Variants in RAD51B observed in about 807,000 individuals in gnomAD.
The protein encoded by RAD51B is DNA repair protein RAD51 homolog 2.
In RAD51B, 38 loss-of-function variants were observed where a neutral mutation model predicts 42.2. The ratio of observed to expected loss-of-function variants is 0.90; its 90% CI spans 0.70 to 1.18. The LOEUF is 1.18. Among genes scored for constraint, RAD51B ranks in the 50% most tolerant of loss-of-function variants. The pLI, the probability that RAD51B is intolerant of heterozygous loss-of-function variation, is 0.00. For synonymous variants in RAD51B, 154 were observed against 145.2 expected (o/e 1.06, Z -0.43); for missense variants, 373 against 400.7 (o/e 0.93, Z 0.59).
At chr14:68,211,295 C>T (rs1192445718) in intron 7 of RAD51B, among the ~76,000 whole-genome samples, 1 of 152,170 alleles carries the variant, frequency 6.6e-6, no homozygotes, top group Admixed American at 6.5e-5. Flanking sequence ...GCCTTGCTCC[C>T]TGCCTGCAAG....
chr14:67,849,809 T>C (rs899133090), intron 4 of RAD51B, among the ~76,000 whole-genome samples: 44 of 152,326 alleles, frequency 2.9e-4, no homozygotes, highest in African/African-American at 1.0e-3. Context: ...ATTTTCAGTC[T>C]TTTCTTTTAT....
At chr14:67,951,351 T>A (rs529070044) in intron 7 of RAD51B, among the ~76,000 whole-genome samples, 1 of 152,326 alleles carries the variant, frequency 6.6e-6, no homozygotes, top group South Asian at 2.1e-4. Flanking sequence ...TTCCTCTTTC[T>A]TCTGTGATAG....
intron 3 of RAD51B, among the ~76,000 whole-genome samples, chr14:67,826,758 G>A (rs34831970): frequency 3.6e-4 from 54 of 148,248 alleles, no homozygotes; most frequent in African/African-American, 1.3e-3. Context: ...TCTCGGCTCA[G>A]TGCAGCCTCC....
At chr14:68,369,487 A>T (rs544774424) in intron 8 of RAD51B, among the ~76,000 whole-genome samples, 1 of 152,174 alleles carries the variant, frequency 6.6e-6, no homozygotes, top group Non-Finnish European at 1.5e-5. Context: ...GTCTCATACC[A>T]TGGTTTCTTC....
At chr14:68,104,902 A>T (rs1409560990) in intron 7 of RAD51B, among the ~76,000 whole-genome samples, 3 of 152,126 alleles carry the variant, frequency 2.0e-5, no homozygotes, top group Non-Finnish European at 4.4e-5. Flanking sequence ...TGATTTTACT[A>T]TGCCTGCACA....
chr14:68,006,259 A>G (rs1348812855), intron 7 of RAD51B, among the ~76,000 whole-genome samples: 2 of 152,204 alleles, frequency 1.3e-5, no homozygotes, highest in Non-Finnish European at 2.9e-5. Flanking sequence ...TATTATAAAT[A>G]CCAATTCTTT....
At chr14:68,471,217 C>T (rs1185540670) in intron 10 of RAD51B, among the ~76,000 whole-genome samples, 1 of 152,108 alleles carries the variant, frequency 6.6e-6, no homozygotes, top group African/African-American at 2.4e-5. Flanking sequence ...AGGGAGGCCG[C>T]CAGCCACTGT....
chr14:68,232,783 T>C (rs1158527913), intron 7 of RAD51B, among the ~76,000 whole-genome samples: 1 of 152,208 alleles, frequency 6.6e-6, no homozygotes, highest in Non-Finnish European at 1.5e-5. Flanking sequence ...TTCCAACTGC[T>C]GCAGTCCCAC....
At chr14:68,032,432 T>C (rs2076062049) in intron 7 of RAD51B, among the ~76,000 whole-genome samples, 1 of 152,204 alleles carries the variant, frequency 6.6e-6, no homozygotes, top group African/African-American at 2.4e-5. Context: ...TTTAATCTTA[T>C]TTCTTTTCCA....
At chr14:68,030,820 A>G (rs2076029670) in intron 7 of RAD51B, among the ~76,000 whole-genome samples, 1 of 152,208 alleles carries the variant, frequency 6.6e-6, no homozygotes, top group Non-Finnish European at 1.5e-5. Context: ...ATTTAAAGTA[A>G]GAGACATGCA....
At chr14:68,519,337 G>T (rs1482868498) in intron 10 of RAD51B, among the ~76,000 whole-genome samples, 1 of 152,208 alleles carries the variant, frequency 6.6e-6, no homozygotes, top group South Asian at 2.1e-4. Flanking sequence ...AGATTCTCTG[G>T]AGGTAGAGCC....
At chr14:68,540,995 T>C (rs1391643960) in intron 10 of RAD51B, 2 of 985,324 alleles carry the variant, frequency 2.0e-6, no homozygotes, top group East Asian at 1.1e-4. Context: ...TTGTTATTGC[T>C]ATCATTTGTT....
chr14:68,579,109 G>A (rs1463464174), intron 10 of RAD51B, among the ~76,000 whole-genome samples: 2 of 152,126 alleles, frequency 1.3e-5, no homozygotes, highest in Non-Finnish European at 2.9e-5. Flanking sequence ...TGTTGGTGAC[G>A]ACACCACCAA....
chr14:68,497,308 T>C, intron 10 of RAD51B: 3 of 1,268,676 alleles, frequency 2.4e-6, no homozygotes, highest in Middle Eastern at 2.1e-4. Flanking sequence ...TTCTAGAGGA[T>C]GTATCTCACA....
At chr14:68,170,104 C>G (rs999763262) in intron 7 of RAD51B, among the ~76,000 whole-genome samples, 2 of 152,102 alleles carry the variant, frequency 1.3e-5, no homozygotes, top group Admixed American at 6.6e-5. Context: ...TAAGAGAACT[C>G]TTTGGTTTTA....
At chr14:67,892,260 T>C (rs569532401) in intron 7 of RAD51B, among the ~76,000 whole-genome samples, 10 of 152,288 alleles carry the variant, frequency 6.6e-5, no homozygotes, top group African/African-American at 1.9e-4. Flanking sequence ...TAAACCTTTA[T>C]CAGTTAGTGA....
chr14:68,012,895 A>G (rs2075708724), intron 7 of RAD51B, among the ~76,000 whole-genome samples: 1 of 152,182 alleles, frequency 6.6e-6, no homozygotes, highest in Non-Finnish European at 1.5e-5. Flanking sequence ...GTCTTTTAAA[A>G]ATCTTTTTGA....
rs139034805 is a variant in RAD51B, at chr14:68,365,253, G to T, written c.854-46171G>T. On this transcript the variant is annotated intron_variant, in intron 8 of 10. Transcript: ENST00000471583. ...GGCCTGTAAGTAGAATAAAGAGGAGGCAGGTTCTGTGTCTGATTCGGCTGT... is the reference window on the plus strand; with the variant it reads ...GGCCTGTAAGTAGAATAAAGAGGAGTCAGGTTCTGTGTCTGATTCGGCTGT... Among the ~76,000 whole-genome samples the T allele has an allele frequency of 2.2e-3, 338 of 152,334 alleles. 1 individual carries two copies. The highest frequency in any genetic ancestry group is 7.8e-3 in the African/African-American group (324 of 41,566).
chr14:68,595,254 T>C (rs1435945504), exon 11 of RAD51B: 15 of 1,060,020 alleles, frequency 1.4e-5, no homozygotes, highest in Non-Finnish European at 1.7e-5. Context: ...AATACATGCT[T>C]CCAGTTGCTT....
Sources: gnomAD v4.1 joint callset for allele counts (sites outside exome capture counted in the v4.1 genomes callset) on GRCh38, gnomAD v4.1.1 for gene constraint, MANE v1.5 for transcripts, NCBI Gene and HGNC (gene_info 2026-07-23, HGNC 2026-07-21) for gene names.